SEPTIN9: variants seen among roughly 807,000 people sequenced by gnomAD.
SEPTIN9 encodes septin-9.
A neutral mutation model predicts 56.6 loss-of-function variants in SEPTIN9; 13 were observed. The observed-to-expected ratio is 0.23, with a 90% CI of 0.15 to 0.37. The LOEUF (loss-of-function observed/expected upper bound fraction) is 0.37, where lower values mean the gene tolerates loss of function less well. SEPTIN9 is among the 10% of genes least tolerant of loss of function. The pLI is 1.00. For missense variants in SEPTIN9, 650 were observed against 823.1 expected, an observed-to-expected ratio of 0.79 and a Z score of 2.57; for synonymous variants, 332 against 334.1, an observed-to-expected ratio of 0.99 and a Z score of 0.07.
rs776962487 is a variant in SEPTIN9, at chr17:77,445,790, C to G, written c.722-36354C>G. Reference sequence around the variant, plus strand: ...GCCAATGGTGCTCCCTCCCCTGTGACCCTTCTGTTGGGTGGGTCACGAGGA... The same window carrying G: ...GCCAATGGTGCTCCCTCCCCTGTGAGCCTTCTGTTGGGTGGGTCACGAGGA... On this transcript the variant is annotated intron_variant, in intron 3 of 11. Transcript: ENST00000427177. This position sits in a 1 kb window ranked among gnomAD's most constrained non-coding sequence, Gnocchi z 4.7. 4.4e-6 allele frequency: 1 copy of G among 227,480 alleles called. No individual in the cohort carries two copies. Among genetic ancestry groups the G allele is most frequent in the Non-Finnish European group, 9.8e-6 (1 of 102,196 alleles). 14.1% of individuals were successfully genotyped at this position (227,480 alleles called of 1,614,324 possible).
At chr17:77,308,355 C>A (rs2032352024) in intron 2 of SEPTIN9, among the ~76,000 whole-genome samples, 1 of 152,258 alleles carries the variant, frequency 6.6e-6, no homozygotes, top group African/African-American at 2.4e-5. Context: ...GACAGCCGTC[C>A]TGCCAGGACA....
intron 2 of SEPTIN9, among the ~76,000 whole-genome samples, chr17:77,332,487 A>G (rs938390058): frequency 6.6e-6 from 1 of 152,182 alleles, no homozygotes; most frequent in African/African-American, 2.4e-5. Context: ...CTCAGTTTGC[A>G]TTTCATTAAC....
intron 6 of SEPTIN9, 58 bp from the exon 7 acceptor site, chr17:77,488,669 G>C: frequency 1.2e-6 from 2 of 1,608,880 alleles, no homozygotes; most frequent in Non-Finnish European, 1.7e-6. Flanking sequence ...GGGAATGCAC[G>C]ACCTGCTTGG....
intron 2 of SEPTIN9, among the ~76,000 whole-genome samples, chr17:77,336,998 GTTT>G (rs61414789): frequency 7.8e-5 from 10 of 128,472 alleles, no homozygotes; most frequent in Admixed American, 1.6e-4. Context: ...TTTGCCCCCC[GTTT>G]TTTTTTTTTT....
rs182698695 is a variant in SEPTIN9 at position 77,303,569 on chromosome 17, G to A, written c.20-3572G>A. Among the ~76,000 whole-genome samples the A allele has an allele frequency of 3.4e-4, 51 of 151,860 alleles. No individual in the cohort carries two copies. The East Asian group carries it at 9.0e-3, about 27-fold the overall frequency. On this transcript the variant is annotated intron_variant, in intron 1 of 11. Transcript: ENST00000427177. ...TCTACCGAATATACAAAAATTAGCC[G>A]GAGCGTGATGGCAGGTGCCTGTAAT...
At chr17:77,478,729 G>A (rs1330386666) in intron 3 of SEPTIN9, among the ~76,000 whole-genome samples, 3 of 151,932 alleles carry the variant, frequency 2.0e-5, no homozygotes, top group Non-Finnish European at 2.9e-5. Flanking sequence ...CTTGAACCTG[G>A]GGAGGCAGAG....
rs529323317 is a variant in SEPTIN9, at chr17:77,371,025, A to G, written c.77-31034A>G. Among the ~76,000 whole-genome samples the G allele has an allele frequency of 6.6e-6, 1 of 151,994 alleles. No homozygotes were observed. The highest frequency in any genetic ancestry group is 2.4e-5 in the African/African-American group (1 of 41,456). On this transcript the variant is annotated intron_variant, in intron 2 of 11. Coordinates refer to ENST00000427177, the MANE Select transcript of SEPTIN9 (RefSeq NM_001113491.2). The surrounding 1 kb of genome is among the most constrained non-coding windows in gnomAD (Gnocchi z 4.1). Reference sequence around the variant, plus strand: ...GTTTCCCATCTCCTCTGAGGACAGGAAAAAAAAGGAAATAAATGATGTACA... The same window carrying G: ...GTTTCCCATCTCCTCTGAGGACAGGGAAAAAAAGGAAATAAATGATGTACA...
intron 3 of SEPTIN9, chr17:77,446,072 C>T (rs7217698): frequency 0.045 from 7,603 of 167,502 alleles, 577 homozygotes; most frequent in African/African-American, 0.17. Context: ...TTGCTGTGGG[C>T]GGAGGAATGG....
intron 1 of SEPTIN9, among the ~76,000 whole-genome samples, chr17:77,296,583 G>A (rs1229485157): frequency 6.6e-6 from 1 of 152,162 alleles, no homozygotes; most frequent in African/African-American, 2.4e-5. Flanking sequence ...TGGGTTCAGT[G>A]ACTCTTACCT....
intron 2 of SEPTIN9, among the ~76,000 whole-genome samples, chr17:77,341,405 C>A (rs2033719407): frequency 6.6e-6 from 1 of 152,162 alleles, no homozygotes; most frequent in South Asian, 2.1e-4. Context: ...GAACATACAA[C>A]GTTTATTGAA....
At chr17:77,390,375 G>T (rs2035493702) in intron 2 of SEPTIN9, among the ~76,000 whole-genome samples, 1 of 127,730 alleles carries the variant, frequency 7.8e-6, no homozygotes. Flanking sequence ...AAGGAGTAGA[G>T]AAATCTTTCC....
intron 3 of SEPTIN9, among the ~76,000 whole-genome samples, chr17:77,416,776 C>A (rs2036523006): frequency 6.6e-6 from 1 of 152,134 alleles, no homozygotes; most frequent in East Asian, 1.9e-4. Flanking sequence ...ATGCAGAGCA[C>A]CTGGATGGCC....
rs2033192754 is a variant in SEPTIN9, at chr17:77,327,693, G to A, written c.76+20496G>A. Among the ~76,000 whole-genome samples the A allele has an allele frequency of 1.3e-5, 2 of 152,140 alleles. No homozygotes were observed. Among genetic ancestry groups the A allele is most frequent in the Admixed American group, 1.3e-4 (2 of 15,268 alleles). The stretch of plus-strand genomic sequence containing the variant: ...AGATCTCAGCCCGGAGACTCCCTCT[G>A]CCTGTGGACGCCCTCATACCTCCAT... On this transcript the variant is annotated intron_variant, in intron 2 of 11. Coordinates refer to ENST00000427177, the MANE Select transcript of SEPTIN9 (RefSeq NM_001113491.2). The surrounding 1 kb of genome is among the most constrained non-coding windows in gnomAD (Gnocchi z 5.0).
chr17:77,364,206 C>T (rs1465480794), intron 2 of SEPTIN9, among the ~76,000 whole-genome samples: 1 of 152,234 alleles, frequency 6.6e-6, no homozygotes, highest in Non-Finnish European at 1.5e-5. Context: ...CGCTTCCTGT[C>T]TGCCTCCCAC....
chr17:77,486,487 G>GTTGT (rs1555679077), intron 4 of SEPTIN9, among the ~76,000 whole-genome samples: 1 of 143,644 alleles, frequency 7.0e-6, no homozygotes, highest in East Asian at 2.0e-4. Flanking sequence ...AGTCTGGAGG[G>GTTGT]GTGTGTGTGT....
At chr17:77,289,234 T>A (rs1448956728) in intron 1 of SEPTIN9, among the ~76,000 whole-genome samples, 1 of 149,096 alleles carries the variant, frequency 6.7e-6, no homozygotes, top group African/African-American at 2.5e-5. Flanking sequence ...ATAGCTGGGA[T>A]TACAGGCACG....
intron 2 of SEPTIN9, among the ~76,000 whole-genome samples, chr17:77,353,903 CAT>C (rs1173412491): frequency 1.3e-5 from 2 of 152,184 alleles, no homozygotes; most frequent in Non-Finnish European, 2.9e-5. Flanking sequence ...TGTGTGCACA[CAT>C]GTATGCACAC....
At position 77,330,358 on chromosome 17, in the gene SEPTIN9, T is replaced by TGGCAGGAGGTGGTGA. The variant is rs1272078109; in HGVS notation, c.76+23163_76+23177dup. 6.6e-6 allele frequency among the ~76,000 whole-genome samples: 1 copy of TGGCAGGAGGTGGTGA among 152,122 alleles called. No homozygotes were observed. The highest frequency in any genetic ancestry group is 1.5e-5 in the Non-Finnish European group (1 of 68,010). On this transcript the variant is annotated intron_variant, in intron 2 of 11. Transcript: ENST00000427177. This position sits in a 1 kb window ranked among gnomAD's most constrained non-coding sequence, Gnocchi z 4.4. The stretch of plus-strand genomic sequence containing the variant: ...CTGGCTGTGGCCCTCAAGGTGTGGA[T>TGGCAGGAGGTGGTGA]GGCAGGAGGTGGTGAGACAGGGACT...
At chr17:77,375,142 C>G (rs1278047069) in intron 2 of SEPTIN9, 3 of 152,136 alleles carry the variant, frequency 2.0e-5, no homozygotes, top group Non-Finnish European at 4.4e-5. Context: ...TCCTGCAGTC[C>G]CCGAGTGAAT....
Sources: gnomAD v4.1 joint callset for allele counts (sites outside exome capture counted in the v4.1 genomes callset) on GRCh38, gnomAD v4.1.1 for gene constraint, Gnocchi (gnomAD v3.1) non-coding constraint, MANE v1.5 for transcripts, NCBI Gene and HGNC (gene_info 2026-07-23, HGNC 2026-07-21) for gene names.